Variants in PKP2 observed in about 807,000 individuals in gnomAD.
PKP2 encodes plakophilin 2, also known as plakophilin-2.
PKP2 carries 73 observed loss-of-function variants against 83.4 expected under a neutral mutation model. The ratio of observed to expected loss-of-function variants is 0.88; its 90% confidence interval spans 0.72 to 1.06. The LOEUF (loss-of-function observed/expected upper bound fraction) is 1.06, where lower values mean the gene tolerates loss of function less well. Among genes scored for constraint, PKP2 ranks in the 50% least tolerant of loss-of-function variants. The probability of loss-of-function intolerance (pLI) is 0.00; values close to 1 mark genes in which losing one functional copy is unlikely to be tolerated. For synonymous variants in PKP2, 409 were observed against 430.4 expected (o/e 0.95, Z 0.62); for missense variants, 966 against 1,065.4 (o/e 0.91, Z 1.30).
At chr12:32,859,930 G>C (rs1432044298) in intron 4 of PKP2, among the ~76,000 whole-genome samples, 1 of 152,184 alleles carries the variant, frequency 6.6e-6, no homozygotes, top group Non-Finnish European at 1.5e-5. Flanking sequence ...GTTGATGGGA[G>C]TGTAAATTTG....
At chr12:32,851,332 A>T (rs748742563) in intron 4 of PKP2, among the ~76,000 whole-genome samples, 1 of 152,200 alleles carries the variant, frequency 6.6e-6, no homozygotes, top group African/African-American at 2.4e-5. Context: ...AGTTTTTTTT[A>T]TTAAATAATC....
intron 11 of PKP2, chr12:32,792,970 G>A: frequency 4.0e-6 from 2 of 496,338 alleles, no homozygotes; most frequent in Non-Finnish European, 7.3e-6. Context: ...TAGTTTATAG[G>A]CCAGGTGGGG....
chr12:32,847,394 A>C (rs760293514), intron 5 of PKP2, among the ~76,000 whole-genome samples: 1 of 152,252 alleles, frequency 6.6e-6, no homozygotes, highest in Non-Finnish European at 1.5e-5. Flanking sequence ...ACTTCCATTT[A>C]TCAACTCTAT....
intron 5 of PKP2, among the ~76,000 whole-genome samples, chr12:32,842,122 G>A (rs1956598867): frequency 1.3e-5 from 2 of 152,176 alleles, no homozygotes; most frequent in Admixed American, 1.3e-4. Context: ...ATACGTTTAG[G>A]ATTTTTTTTG....
intron 5 of PKP2, among the ~76,000 whole-genome samples, chr12:32,843,005 A>G (rs1050832304): frequency 4.9e-5 from 7 of 143,564 alleles, no homozygotes; most frequent in African/African-American, 1.8e-4. Context: ...TTTGAGACAG[A>G]GTCTCACTCG....
chr12:32,811,970 T>A (rs886903591), intron 9 of PKP2, among the ~76,000 whole-genome samples: 1 of 152,170 alleles, frequency 6.6e-6, no homozygotes, highest in African/African-American at 2.4e-5. Flanking sequence ...TGGCTCCATG[T>A]GGGGCATTGT....
intron 4 of PKP2, among the ~76,000 whole-genome samples, chr12:32,852,328 C>T (rs1956706798): frequency 6.6e-6 from 1 of 152,100 alleles, no homozygotes; most frequent in South Asian, 2.1e-4. Context: ...TGCATATTTT[C>T]TATGTACCAA....
intron 9 of PKP2, among the ~76,000 whole-genome samples, chr12:32,812,883 T>C (rs1404813528): frequency 6.6e-6 from 1 of 152,238 alleles, no homozygotes; most frequent in Admixed American, 6.5e-5. Flanking sequence ...AACCCACTTA[T>C]AAGTTTGGAT....
chr12:32,896,565 A>C lies in PKP2; in HGVS notation c.167T>G (p.Ile56Ser). The C allele has an allele frequency of 6.3e-7, 1 of 1,590,266 alleles. No homozygotes were observed. Among genetic ancestry groups the C allele is most frequent in the South Asian group, 1.1e-5 (1 of 89,688 alleles). ...RGGQTVKSLR[I>S]QEQVQQTLAR... ...GAGGGTCTGCTGCACCTGCTCCTGG[A>C]TCCGCAGGCTCTTGACTGTCTGGCC... The change falls in exon 1 of 13, where the codon ATC becomes AGC. Residue 56 changes from isoleucine to serine, a missense_variant. By Grantham distance (142) the Ile-to-Ser change is moderately radical (BLOSUM62 -2). Coordinates refer to ENST00000340811, the MANE Select transcript of PKP2 (RefSeq NM_001005242.3).
At chr12:32,808,724 A>T (rs1056673670) in intron 9 of PKP2, among the ~76,000 whole-genome samples, 1 of 151,592 alleles carries the variant, frequency 6.6e-6, no homozygotes, top group African/African-American at 2.4e-5. Flanking sequence ...TTTTTTGTTG[A>T]TGTTGTTGTT....
At chr12:32,814,745 G>A (rs192853049) in intron 9 of PKP2, among the ~76,000 whole-genome samples, 2,781 of 152,180 alleles carry the variant, frequency 0.018, 42 homozygotes, top group South Asian at 0.044. Context: ...CCAACATGGT[G>A]AAACCCCGTC....
chr12:32,797,771 T>C (rs1167714198), intron 10 of PKP2, among the ~76,000 whole-genome samples: 1 of 151,898 alleles, frequency 6.6e-6, no homozygotes, highest in East Asian at 2.0e-4. Context: ...TTAGCCAGGA[T>C]GATCTTGATC....
At chr12:32,871,125 C>A (rs558152198) in intron 3 of PKP2, among the ~76,000 whole-genome samples, 13 of 152,072 alleles carry the variant, frequency 8.5e-5, no homozygotes, top group African/African-American at 3.1e-4. Flanking sequence ...ACCTCTTTTC[C>A]TCCCCCTCCT....
chr12:32,821,141 C>T (rs971934970), intron 9 of PKP2: 2 of 557,136 alleles, frequency 3.6e-6, no homozygotes, highest in Admixed American at 6.2e-5. Flanking sequence ...ATTCTGAGAT[C>T]TGTAACTGAA....
chr12:32,858,077 A>AT, intron 4 of PKP2, among the ~76,000 whole-genome samples: 1 of 64,838 alleles, frequency 1.5e-5, no homozygotes, highest in African/African-American at 7.0e-5. Flanking sequence ...AAAAAAAAAA[A>AT]AAAAAAAATA....
chr12:32,837,706 A>G (rs1956555549), intron 6 of PKP2, among the ~76,000 whole-genome samples: 1 of 152,212 alleles, frequency 6.6e-6, no homozygotes, highest in Admixed American at 6.5e-5. Context: ...TGTGCCAACC[A>G]GGGCATTGCT....
chr12:32,843,939 C>T (rs1014286940), intron 5 of PKP2, among the ~76,000 whole-genome samples: 21 of 152,324 alleles, frequency 1.4e-4, no homozygotes, highest in African/African-American at 5.1e-4. Flanking sequence ...TTAATAGTCT[C>T]TGCCTGCCAG....
chr12:32,838,364 C>T (rs1205545388), intron 6 of PKP2, among the ~76,000 whole-genome samples: 2 of 152,028 alleles, frequency 1.3e-5, no homozygotes, highest in Non-Finnish European at 2.9e-5. Flanking sequence ...GTTGAAAATC[C>T]ATCTATTGGG....
At chr12:32,798,395 A>G (rs536641961) in intron 10 of PKP2, among the ~76,000 whole-genome samples, 27 of 152,026 alleles carry the variant, frequency 1.8e-4, no homozygotes, top group Non-Finnish European at 3.2e-4. Flanking sequence ...CTGGCCTACT[A>G]TTTTAAAAAG....
Sources: allele counts gnomAD v4.1 joint callset (sites outside exome capture counted in the v4.1 genomes callset), GRCh38; gene constraint gnomAD v4.1.1; transcripts MANE v1.5; gene names NCBI Gene and HGNC (gene_info 2026-07-23, HGNC 2026-07-21).